SH3RF1: variants seen among roughly 807,000 people sequenced by gnomAD.
The protein encoded by SH3RF1 is E3 ubiquitin-protein ligase SH3RF1.
A neutral mutation model predicts 74.0 loss-of-function variants in SH3RF1; 32 were observed. The ratio of observed to expected loss-of-function variants is 0.43; its 90% CI spans 0.33 to 0.58. The LOEUF (loss-of-function observed/expected upper bound fraction) is 0.58. SH3RF1 is among the 20% of genes least tolerant of loss of function. SH3RF1 has a pLI of 0.05. For synonymous variants in SH3RF1, 396 were observed against 439.6 expected (o/e 0.90, Z 1.24); for missense variants, 954 against 1,130.9 (o/e 0.84, Z 2.24).
At chr4:169,239,214 G>A (rs141280594) in intron 2 of SH3RF1, among the ~76,000 whole-genome samples, 9 of 152,148 alleles carry the variant, frequency 5.9e-5, no homozygotes, top group Non-Finnish European at 8.8e-5. Context: ...AGATTGTGCC[G>A]ACAAGACTGG....
At chr4:169,132,821 AGAG>A (rs1208086171) in intron 5 of SH3RF1, among the ~76,000 whole-genome samples, 1 of 152,236 alleles carries the variant, frequency 6.6e-6, no homozygotes, top group Non-Finnish European at 1.5e-5. Flanking sequence ...AAGTGTGGTC[AGAG>A]GAGGAGACAA....
At chr4:169,195,415 T>C (rs1023594029) in intron 2 of SH3RF1, among the ~76,000 whole-genome samples, 1 of 152,224 alleles carries the variant, frequency 6.6e-6, no homozygotes, top group Non-Finnish European at 1.5e-5. Context: ...GTTTCTTTTT[T>C]ATTTATCATT....
At chr4:169,172,626 A>G (rs1258530320) in intron 2 of SH3RF1, among the ~76,000 whole-genome samples, 2 of 152,192 alleles carry the variant, frequency 1.3e-5, no homozygotes, top group Non-Finnish European at 2.9e-5. Context: ...GGGGTCAACT[A>G]TTATGGTTCA....
At chr4:169,207,433 A>G (rs528025176) in intron 2 of SH3RF1, among the ~76,000 whole-genome samples, 1 of 152,324 alleles carries the variant, frequency 6.6e-6, no homozygotes, top group African/African-American at 2.4e-5. Flanking sequence ...TCTCAAATAA[A>G]TAAGTAATTT....
intron 2 of SH3RF1, among the ~76,000 whole-genome samples, chr4:169,158,433 G>A (rs758434266): frequency 4.0e-4 from 61 of 152,300 alleles, no homozygotes; most frequent in Middle Eastern, 3.4e-3. Context: ...TAAGAATTAC[G>A]GAACATAAAG....
At chr4:169,143,864 A>G (rs890861175) in intron 4 of SH3RF1, among the ~76,000 whole-genome samples, 7 of 152,224 alleles carry the variant, frequency 4.6e-5, no homozygotes, top group African/African-American at 1.7e-4. Context: ...TTTCTTGTTC[A>G]GGTTTCTGAC....
intron 2 of SH3RF1, among the ~76,000 whole-genome samples, chr4:169,222,497 A>T (rs1050287838): frequency 6.1e-5 from 9 of 147,722 alleles, no homozygotes; most frequent in East Asian, 3.9e-4. Flanking sequence ...TTATATATAT[A>T]TTTTTATACA....
chr4:169,235,940 C>T (rs1305463526), intron 2 of SH3RF1, among the ~76,000 whole-genome samples: 2 of 152,210 alleles, frequency 1.3e-5, no homozygotes, highest in Non-Finnish European at 2.9e-5. Context: ...CTCAGCCTCC[C>T]AAAGTGCTGG....
rs758956610 is a variant in SH3RF1 at position 169,136,341 on chromosome 4, G to T, written c.1045C>A (p.Leu349Ile). 8 of 1,505,182 alleles carry T rather than the reference G, an allele frequency of 5.3e-6. No homozygotes were observed. In the African/African-American group the frequency reaches 1.1e-4, roughly 21 times the overall value. The allele number at this position is 1,505,182 out of a possible 1,614,324, so 93.2% of individuals were successfully genotyped here. A position where few individuals can be genotyped will look rare whatever the true frequency, so the allele number is the denominator to read the frequency against. ...AAARISELSG[L>I]SCSAPSQVHI... Reference sequence around the variant, plus strand: ...ACCTGAGAAGGGGCACTGCAGGAGAGCCCAGACAGCTCGCTGATCCGTGCA... The same window carrying T: ...ACCTGAGAAGGGGCACTGCAGGAGATCCCAGACAGCTCGCTGATCCGTGCA... The change falls in exon 5 of 12, where the codon CTC becomes ATC. Residue 349 changes from leucine (L) to isoleucine (I), a missense_variant. Leu to Ile is a conservative substitution (Grantham distance 5). This residue lies in a region of SH3RF1 where 854 missense variants were observed against 962.5 expected (regional missense o/e 0.89). Transcript: ENST00000284637.
At chr4:169,190,108 C>A (rs1734675079) in intron 2 of SH3RF1, among the ~76,000 whole-genome samples, 1 of 152,066 alleles carries the variant, frequency 6.6e-6, no homozygotes, top group African/African-American at 2.4e-5. Flanking sequence ...GCCCTAAACG[C>A]CTACATCAAA....
intron 4 of SH3RF1, among the ~76,000 whole-genome samples, chr4:169,148,959 T>C (rs1276871162): frequency 2.0e-5 from 3 of 152,196 alleles, no homozygotes; most frequent in African/African-American, 4.8e-5. Context: ...GTTAAAGAAC[T>C]TGGCGATTCT....
chr4:169,214,155 T>C (rs1470337422), intron 2 of SH3RF1, among the ~76,000 whole-genome samples: 2 of 152,196 alleles, frequency 1.3e-5, no homozygotes, highest in Non-Finnish European at 2.9e-5. Context: ...GCACCTCTTA[T>C]GAGTAGCTTG....
intron 11 of SH3RF1, 79 bp downstream of exon 11, chr4:169,106,768 C>G (rs1733146335): frequency 3.3e-6 from 4 of 1,203,450 alleles, no homozygotes; most frequent in Non-Finnish European, 4.6e-6. Context: ...GGCAAAACAT[C>G]TTAAATATCA....
chr4:169,260,628 T>C (rs897572275), intron 2 of SH3RF1, among the ~76,000 whole-genome samples: 3 of 152,206 alleles, frequency 2.0e-5, no homozygotes, highest in East Asian at 3.8e-4. Flanking sequence ...TTCCCTCGGA[T>C]TTTCCTTTTC....
At chr4:169,237,403 G>A (rs10034818) in intron 2 of SH3RF1, among the ~76,000 whole-genome samples, 9,316 of 152,258 alleles carry the variant, frequency 0.061, 431 homozygotes, top group Admixed American at 0.15. Context: ...CACTTCGGGA[G>A]GTGGAAGTGG....
intron 11 of SH3RF1, among the ~76,000 whole-genome samples, chr4:169,104,975 C>A (rs1300209259): frequency 6.6e-6 from 1 of 151,718 alleles, no homozygotes; most frequent in Non-Finnish European, 1.5e-5. Context: ...TATTCTTTTC[C>A]ATTTTTCCCA....
At chr4:169,148,275 G>A (rs1299065370) in intron 4 of SH3RF1, among the ~76,000 whole-genome samples, 4 of 152,152 alleles carry the variant, frequency 2.6e-5, no homozygotes, top group Non-Finnish European at 4.4e-5. Flanking sequence ...TGGAGGCCAC[G>A]ATTCCTTTCT....
chr4:169,255,405 G>C (rs998057973), intron 2 of SH3RF1, among the ~76,000 whole-genome samples: 1 of 151,816 alleles, frequency 6.6e-6, no homozygotes, highest in African/African-American at 2.4e-5. Flanking sequence ...TTTTTTAAAA[G>C]GGAAATCAGC....
At chr4:169,201,602 T>C (rs907556406) in intron 2 of SH3RF1, among the ~76,000 whole-genome samples, 1 of 152,212 alleles carries the variant, frequency 6.6e-6, no homozygotes, top group Non-Finnish European at 1.5e-5. Context: ...ACAACAACTT[T>C]GCTATTCCTT....
Sources: allele counts gnomAD v4.1 joint callset (sites outside exome capture counted in the v4.1 genomes callset), GRCh38; gene constraint gnomAD v4.1.1; regional missense constraint gnomAD v4.1.1; transcripts MANE v1.5; gene names NCBI Gene and HGNC (gene_info 2026-07-23, HGNC 2026-07-21).